The following NRXN1 variants were observed in gnomAD, a reference collection of about 807,000 sequenced individuals.
NRXN1 encodes the protein neurexin 1, also known as neurexin-1.
A neutral mutation model predicts 150.9 loss-of-function variants in NRXN1; 39 were observed. That is an observed-to-expected ratio of 0.26 (90% CI 0.20 to 0.34). The LOEUF (loss-of-function observed/expected upper bound fraction) is 0.34, where lower values mean the gene tolerates loss of function less well. Among genes scored for constraint, NRXN1 ranks in the 10% least tolerant of loss-of-function variants. NRXN1 has a pLI of 1.00. For synonymous variants in NRXN1, 924 were observed against 757.0 expected, an observed-to-expected ratio of 1.22 and a Z score of -3.62; for missense variants, 1,815 against 1,949.9, an observed-to-expected ratio of 0.93 and a Z score of 1.30.
chr2:49,987,941 T>C (rs1472801598), intron 21 of NRXN1, among the ~76,000 whole-genome samples: 1 of 152,092 alleles, frequency 6.6e-6, no homozygotes, highest in Non-Finnish European at 1.5e-5. Context: ...AGCAAAAATA[T>C]GAAAATCATC....
chr2:50,164,283 C>A (rs960987679), intron 18 of NRXN1, among the ~76,000 whole-genome samples: 13 of 152,122 alleles, frequency 8.5e-5, no homozygotes, highest in African/African-American at 2.4e-4. Flanking sequence ...ACTCTCTGCT[C>A]CCCAAGTTAA....
At chr2:50,932,144 T>C (rs1252689531) in intron 2 of NRXN1, among the ~76,000 whole-genome samples, 1 of 152,050 alleles carries the variant, frequency 6.6e-6, no homozygotes, top group East Asian at 1.9e-4. Flanking sequence ...TCCCAGTACT[T>C]TGGGAGGCTG....
intron 17 of NRXN1, among the ~76,000 whole-genome samples, chr2:50,423,964 A>G (rs2084223856): frequency 6.6e-6 from 1 of 152,018 alleles, no homozygotes; most frequent in Non-Finnish European, 1.5e-5. Flanking sequence ...TCCAGAACTG[A>G]AAATTTACAG....
chr2:50,075,102 A>G (rs1696882771), intron 19 of NRXN1, among the ~76,000 whole-genome samples: 1 of 152,238 alleles, frequency 6.6e-6, no homozygotes, highest in South Asian at 2.1e-4. Flanking sequence ...TTTACAAACA[A>G]TTTATATGTA....
intron 17 of NRXN1, among the ~76,000 whole-genome samples, chr2:50,373,656 AAGAAAG>A (rs2080231946): frequency 9.6e-6 from 1 of 104,402 alleles, no homozygotes; most frequent in Admixed American, 1.1e-4. Context: ...GAAAGAAAGA[AAGAAAG>A]AAAGAAAGAA....
chr2:50,912,793 A>G (rs1259476689), intron 5 of NRXN1: 1 of 151,494 alleles, frequency 6.6e-6, no homozygotes, highest in Non-Finnish European at 1.5e-5. Flanking sequence ...AAAAGAAAAA[A>G]AAAAGAAATA....
At chr2:50,349,460 G>A (rs571588473) in intron 17 of NRXN1, among the ~76,000 whole-genome samples, 2 of 152,298 alleles carry the variant, frequency 1.3e-5, no homozygotes, top group South Asian at 4.1e-4. Flanking sequence ...CATCCACACA[G>A]TATGTTTTCA....
At chr2:51,020,378 G>C (rs1448782729) in intron 2 of NRXN1, among the ~76,000 whole-genome samples, 1 of 151,682 alleles carries the variant, frequency 6.6e-6, no homozygotes, top group African/African-American at 2.4e-5. Flanking sequence ...TCTTTACTTA[G>C]CTTGTCATAA....
At chr2:50,802,941 AG>A (rs1321649620) in intron 5 of NRXN1, among the ~76,000 whole-genome samples, 7 of 152,168 alleles carry the variant, frequency 4.6e-5, no homozygotes, top group Non-Finnish European at 8.8e-5. Context: ...AGATTTCAGA[AG>A]CAGAGTGACC....
chr2:50,990,202 G>C (rs555569435), intron 2 of NRXN1, among the ~76,000 whole-genome samples: 46 of 151,936 alleles, frequency 3.0e-4, no homozygotes, highest in African/African-American at 9.4e-4. Context: ...ATTTAGGATA[G>C]GCATGTATTA....
intron 21 of NRXN1, among the ~76,000 whole-genome samples, chr2:49,988,131 T>C (rs1681244502): frequency 6.6e-6 from 1 of 152,074 alleles, no homozygotes; most frequent in Non-Finnish European, 1.5e-5. Flanking sequence ...AATGTGATGG[T>C]TGGGAAATAT....
At chr2:50,514,351 G>T (rs2092563090) in intron 12 of NRXN1, among the ~76,000 whole-genome samples, 1 of 152,110 alleles carries the variant, frequency 6.6e-6, no homozygotes, top group African/African-American at 2.4e-5. Flanking sequence ...TAGCATCTGA[G>T]AATTATAAAA....
At chr2:50,728,606 G>C (rs533989376) in intron 5 of NRXN1, among the ~76,000 whole-genome samples, 1 of 152,050 alleles carries the variant, frequency 6.6e-6, no homozygotes, top group East Asian at 1.9e-4. Context: ...TGTCCTTTTT[G>C]GATATATGTT....
At chr2:50,329,617 G>GTATA (rs1172739306) in intron 17 of NRXN1, among the ~76,000 whole-genome samples, 7 of 13,980 alleles carry the variant, frequency 5.0e-4, no homozygotes, top group Non-Finnish European at 9.4e-4. Context: ...GTGTGTGTGT[G>GTATA]TATATATATA....
chr2:50,341,397 T>TAAA lies in NRXN1; in HGVS notation c.3365-104430_3365-104428dup, dbSNP rs71904122. ...TCTAAAGTCTCTTTTAAGTATTTCT[T>TAAA]AAAAAAAAAAAAAAATCATTGGGAA... On this transcript the variant is annotated intron_variant, in intron 17 of 22. Coordinates refer to ENST00000401669, the MANE Select transcript of NRXN1 (RefSeq NM_001330078.2). 9.8e-3 allele frequency among the ~76,000 whole-genome samples: 1,422 copies of TAAA among 145,148 alleles called. 16 individuals are homozygous for TAAA. Among genetic ancestry groups the TAAA allele is most frequent in the African/African-American group, 0.034 (1,343 of 39,900 alleles).
intron 18 of NRXN1, among the ~76,000 whole-genome samples, chr2:50,185,902 G>A (rs180721812): frequency 1.9e-3 from 282 of 152,082 alleles, no homozygotes; most frequent in African/African-American, 6.5e-3. Flanking sequence ...GTTTTACTCA[G>A]TGTGTGTTCC....
intron 5 of NRXN1, among the ~76,000 whole-genome samples, chr2:50,857,620 A>G (rs1053829902): frequency 1.3e-5 from 2 of 152,088 alleles, no homozygotes; most frequent in Non-Finnish European, 2.9e-5. Flanking sequence ...TAATTTCTCT[A>G]GAGAGTGCTT....
chr2:50,292,914 G>A (rs1359371677), intron 17 of NRXN1, among the ~76,000 whole-genome samples: 1 of 152,156 alleles, frequency 6.6e-6, no homozygotes. Context: ...AAAGGGAGAA[G>A]TACATTGCCT....
At chr2:50,364,299 A>C (rs965124423) in intron 17 of NRXN1, among the ~76,000 whole-genome samples, 2 of 152,166 alleles carry the variant, frequency 1.3e-5, no homozygotes, top group African/African-American at 4.8e-5. Flanking sequence ...TTTAATGGCC[A>C]GGGGAAAATC....
Sources: gnomAD v4.1 joint callset for allele counts (sites outside exome capture counted in the v4.1 genomes callset) on GRCh38, gnomAD v4.1.1 for gene constraint, MANE v1.5 for transcripts, NCBI Gene and HGNC (gene_info 2026-07-23, HGNC 2026-07-21) for gene names.